Variants in OR51B5 observed in about 807,000 individuals in gnomAD.
The protein encoded by OR51B5 is olfactory receptor 51B5.
For missense variants in OR51B5, 456 were observed against 374.6 expected, an observed-to-expected ratio of 1.22 and a Z score of -1.79; for synonymous variants, 186 against 144.8, an observed-to-expected ratio of 1.28 and a Z score of -2.04.
chr11:5,495,893 T>C (rs1020441709), intron 1 of OR51B5, among the ~76,000 whole-genome samples: 1 of 152,164 alleles, frequency 6.6e-6, no homozygotes, highest in African/African-American at 2.4e-5. Flanking sequence ...AGAAAAGTTA[T>C]TCTCCATAAA....
chr11:5,487,560 G>A (rs1173688621), intron 1 of OR51B5, among the ~76,000 whole-genome samples: 3 of 152,058 alleles, frequency 2.0e-5, no homozygotes, highest in Non-Finnish European at 2.9e-5. Flanking sequence ...TTACAGAATC[G>A]GGGCTAAAAT....
chr11:5,439,865 T>TAAG (rs1850648807), intron 1 of OR51B5, among the ~76,000 whole-genome samples: 1 of 152,142 alleles, frequency 6.6e-6, no homozygotes, highest in Admixed American at 6.5e-5. Context: ...TCAGTAGGAC[T>TAAG]TATGTGGGGC....
chr11:5,451,633 A>G (rs1850850638), intron 1 of OR51B5, among the ~76,000 whole-genome samples: 1 of 152,128 alleles, frequency 6.6e-6, no homozygotes, highest in Non-Finnish European at 1.5e-5. Context: ...TGGGGTGACA[A>G]TGCTTCATTG....
chr11:5,355,975 G>A (rs905540591), intron 1 of OR51B5, among the ~76,000 whole-genome samples: 4 of 151,926 alleles, frequency 2.6e-5, no homozygotes, highest in African/African-American at 9.7e-5. Flanking sequence ...AAACCCATCT[G>A]TACGTCACCA....
exon 1 of OR51B5, chr11:5,343,125 G>A (rs1564911985): frequency 5.6e-6 from 9 of 1,613,536 alleles, no homozygotes; most frequent in Non-Finnish European, 7.6e-6. Flanking sequence ...GTATTAGTAA[G>A]TACAGAGGTA....
At chr11:5,478,271 G>C (rs1271507078) in intron 1 of OR51B5, among the ~76,000 whole-genome samples, 1 of 151,920 alleles carries the variant, frequency 6.6e-6, no homozygotes, top group Admixed American at 6.6e-5. Context: ...CACACGGCAG[G>C]GTATTCCAAC....
chr11:5,402,833 C>T, intron 1 of OR51B5: 1 of 471,648 alleles, frequency 2.1e-6, no homozygotes, highest in South Asian at 1.5e-5. Context: ...TCTCTGCATC[C>T]ACCCTGCCTA....
intron 1 of OR51B5, chr11:5,390,221 C>A: frequency 1.2e-6 from 2 of 1,614,000 alleles, no homozygotes; most frequent in South Asian, 2.2e-5. Flanking sequence ...CCTGGTGCAC[C>A]GTTTTGGGAA....
intron 1 of OR51B5, chr11:5,422,639 G>C (rs1278167852): frequency 6.2e-7 from 1 of 1,614,038 alleles, no homozygotes; most frequent in African/African-American, 1.3e-5. Context: ...TGGTAGAACT[G>C]GGTTAGCCAT....
intron 1 of OR51B5, among the ~76,000 whole-genome samples, chr11:5,433,116 GAAAC>G (rs559430378): frequency 6.3e-4 from 96 of 152,150 alleles, no homozygotes; most frequent in Non-Finnish European, 1.2e-3. Context: ...CTCTGAGTTA[GAAAC>G]AAACAGAGTT....
At chr11:5,499,125 C>A (rs1056327747) in intron 1 of OR51B5, among the ~76,000 whole-genome samples, 1 of 152,156 alleles carries the variant, frequency 6.6e-6, no homozygotes, top group Non-Finnish European at 1.5e-5. Context: ...TGACAGGGCA[C>A]AAAGTTCAAC....
chr11:5,432,897 AG>A (rs1424946434), intron 1 of OR51B5, among the ~76,000 whole-genome samples: 1 of 152,192 alleles, frequency 6.6e-6, no homozygotes, highest in Non-Finnish European at 1.5e-5. Flanking sequence ...GAAAGAACTG[AG>A]TTTTAGCTTT....
chr11:5,494,265 A>T (rs1351174572), intron 1 of OR51B5, among the ~76,000 whole-genome samples: 1 of 152,238 alleles, frequency 6.6e-6, no homozygotes, highest in East Asian at 1.9e-4. Flanking sequence ...TGCATGTCTC[A>T]TGGTTCCAGG....
intron 1 of OR51B5, among the ~76,000 whole-genome samples, chr11:5,474,089 C>G (rs143024247): frequency 6.6e-6 from 1 of 151,968 alleles, no homozygotes; most frequent in Non-Finnish European, 1.5e-5. Flanking sequence ...CAAATATAAG[C>G]CATGGAAAAT....
intron 1 of OR51B5, chr11:5,422,618 A>T: frequency 1.2e-6 from 2 of 1,613,978 alleles, no homozygotes; most frequent in Non-Finnish European, 8.5e-7. Flanking sequence ...CATCCTCACC[A>T]ATGAAGTCAT....
In OR51B5 at chr11:5,453,120, T is replaced by C. The variant is rs7128998; in HGVS notation, n.84+52449A>G. 1,224 of 162,960 alleles carry C rather than the reference T, an allele frequency of 7.5e-3. 22 individuals are homozygous for C. The highest frequency in any genetic ancestry group is 0.028 in the African/African-American group (1,172 of 42,062). The allele number at this position is 162,960 out of a possible 1,614,324, so 10.1% of individuals were successfully genotyped here. A position where few individuals can be genotyped will look rare whatever the true frequency, so the allele number is the denominator to read the frequency against. On this transcript the variant is annotated intron_variant and non_coding_transcript_variant, in intron 1 of 4. Coordinates refer to the OR51B5 transcript ENST00000415970. ...TCCTGACTTTCTTCTCTTGTGGCTATGAATTGTAGTTAGCATATTTCTATT... is the reference window on the plus strand; with the variant it reads ...TCCTGACTTTCTTCTCTTGTGGCTACGAATTGTAGTTAGCATATTTCTATT...
chr11:5,395,535 T>G (rs1389639838), intron 1 of OR51B5, among the ~76,000 whole-genome samples: 1 of 152,188 alleles, frequency 6.6e-6, no homozygotes, highest in Non-Finnish European at 1.5e-5. Context: ...AGATCTGGAC[T>G]TGTTACTGGG....
chr11:5,343,370 T>C lies in OR51B5; in HGVS notation c.155A>G (p.Asn52Ser), dbSNP rs571418177. Residue 52 changes from asparagine to serine, a missense_variant, in exon 1 of 1, where the codon AAT (asparagine) becomes AGT (serine). Asn to Ser is a conservative substitution (Grantham distance 46). Transcript: ENST00000300773. ...AAAGAAGTACATGGGCTCATGAAGA[T>C]TGTGATCTTCCTTAATGAGAAGAAG... The C allele has an allele frequency of 2.5e-5, 41 of 1,613,732 alleles. No individual in the cohort carries two copies. In the South Asian group the frequency reaches 3.6e-4, roughly 14 times the overall value.
At chr11:5,477,680 T>C (rs1387210072) in intron 1 of OR51B5, among the ~76,000 whole-genome samples, 3 of 151,752 alleles carry the variant, frequency 2.0e-5, no homozygotes, top group Middle Eastern at 6.8e-3. Context: ...CGAAGCAGGG[T>C]GAGGCATTGC....
Sources: gnomAD v4.1 joint callset for allele counts (sites outside exome capture counted in the v4.1 genomes callset) on GRCh38, gnomAD v4.1.1 for gene constraint, MANE v1.5 for transcripts, NCBI Gene and HGNC (gene_info 2026-07-23, HGNC 2026-07-21) for gene names.